The following COL24A1 variants were observed in gnomAD, a reference collection of about 807,000 sequenced individuals.
COL24A1 encodes collagen alpha-1(XXIV) chain.
Under a neutral mutation model 253.9 loss-of-function variants are expected in COL24A1, and 224 were observed. That is an observed-to-expected ratio of 0.88 (90% CI 0.79 to 0.99). COL24A1 has a LOEUF of 0.99. Among genes scored for constraint, COL24A1 ranks in the 50% least tolerant of loss-of-function variants. The probability of loss-of-function intolerance (pLI) is 0.00; values close to 1 mark genes in which losing one functional copy is unlikely to be tolerated. For synonymous variants in COL24A1, 685 were observed against 673.7 expected (o/e 1.02, Z -0.26); for missense variants, 2,131 against 2,068.5 (o/e 1.03, Z -0.59).
intron 2 of COL24A1, among the ~76,000 whole-genome samples, chr1:86,134,449 A>G (rs964948141): frequency 1.4e-5 from 2 of 145,956 alleles, no homozygotes; most frequent in African/African-American, 5.0e-5. Flanking sequence ...TTAGGATGTC[A>G]ATTTTAGATC....
At position 85,845,087 on chromosome 1, in the gene COL24A1, T is replaced by C. The variant is rs578000248; in HGVS notation, c.3462+2578A>G. 1.5e-4 allele frequency among the ~76,000 whole-genome samples: 23 copies of C among 152,026 alleles called. No individual in the cohort carries two copies. In the South Asian group the frequency reaches 3.9e-3, roughly 26 times the overall value. ...CAAATGCAAAACTCTTAAGGTAAACTACATTCAATAAGCTAAAATAAAACT... is the reference window on the plus strand; with the variant it reads ...CAAATGCAAAACTCTTAAGGTAAACCACATTCAATAAGCTAAAATAAAACT... On this transcript the variant is annotated intron_variant, in intron 39 of 59. Transcript: ENST00000370571.
chr1:85,910,196 T>C (rs1187479948), intron 25 of COL24A1, among the ~76,000 whole-genome samples, 193 bp from the exon 26 acceptor site: 1 of 151,944 alleles, frequency 6.6e-6, no homozygotes, highest in Non-Finnish European at 1.5e-5. Flanking sequence ...TAAAATAGAA[T>C]TATCTTAAGA....
intron 2 of COL24A1, among the ~76,000 whole-genome samples, chr1:86,133,211 G>C (rs1649580036): frequency 6.6e-6 from 1 of 152,098 alleles, no homozygotes. Context: ...TGTATCCTGA[G>C]ACTTTGCTGA....
intron 19 of COL24A1, among the ~76,000 whole-genome samples, chr1:86,013,327 T>C (rs1437481240): frequency 6.6e-6 from 1 of 152,220 alleles, no homozygotes; most frequent in Non-Finnish European, 1.5e-5. Flanking sequence ...CATCCATCTA[T>C]ACTGAATAGT....
chr1:86,146,688 C>T (rs981379243), intron 1 of COL24A1, among the ~76,000 whole-genome samples: 1 of 151,832 alleles, frequency 6.6e-6, no homozygotes, highest in South Asian at 2.1e-4. Context: ...TATGTGAAAG[C>T]CATTTGAATA....
At position 85,946,140 on chromosome 1, in the gene COL24A1, G is replaced by T. The variant is rs185373884; in HGVS notation, c.2562+15109C>A. On this transcript the variant is annotated intron_variant, in intron 24 of 59. Transcript: ENST00000370571. The stretch of plus-strand genomic sequence containing the variant: ...AATTTTGCTACATGATAGCCAGAGG[G>T]TAGCTATGTGATCAACCCCCAGTAA... Among the ~76,000 whole-genome samples the T allele has an allele frequency of 2.3e-3, 349 of 152,244 alleles. 2 individuals carry two copies. Among genetic ancestry groups the T allele is most frequent in the African/African-American group, 8.0e-3 (334 of 41,544 alleles).
chr1:85,884,700 A>G (rs1372472943), intron 32 of COL24A1, among the ~76,000 whole-genome samples: 3 of 152,180 alleles, frequency 2.0e-5, no homozygotes, highest in Non-Finnish European at 2.9e-5. Context: ...CCCAAAGGTC[A>G]GTTAGTCTTT....
chr1:85,781,219 C>T lies in COL24A1; in HGVS notation c.4338+1G>A. ...AAAGACTTGTATTATGATAAACTTA[C>T]AGTTCTACCTGTTGGGCCTATTATA... On this transcript the variant is annotated splice_donor_variant, in intron 52 of 59. Transcript: ENST00000370571. LOFTEE classifies it high-confidence loss of function. 3 of 1,590,944 alleles carry T rather than the reference C, an allele frequency of 1.9e-6. No individual in the cohort carries two copies. In the South Asian group the frequency reaches 3.5e-5, roughly 18 times the overall value.
chr1:85,990,735 C>G (rs1694174532), intron 19 of COL24A1, among the ~76,000 whole-genome samples: 1 of 152,160 alleles, frequency 6.6e-6, no homozygotes, highest in Non-Finnish European at 1.5e-5. Context: ...ACAATATGAA[C>G]TTCAACAAGG....
chr1:85,903,567 C>T (rs987358233), intron 28 of COL24A1, among the ~76,000 whole-genome samples: 8 of 152,130 alleles, frequency 5.3e-5, no homozygotes, highest in Non-Finnish European at 7.3e-5. Context: ...AGTAACTATG[C>T]TGGCTAAAGA....
At chr1:85,869,778 A>G (rs989531243) in intron 35 of COL24A1, among the ~76,000 whole-genome samples, 29 of 152,308 alleles carry the variant, frequency 1.9e-4, no homozygotes, top group East Asian at 1.9e-4. Flanking sequence ...GCTAGGAAGA[A>G]ACTGCATCAA....
rs757453786 is a variant in COL24A1, at chr1:86,063,745, A to T, written c.1722T>A (p.His574Gln). Residue 574 changes from histidine to glutamine, a missense_variant, in exon 8 of 60, where the codon CAT (histidine) becomes CAA (glutamine). Transcript: ENST00000370571. Reference sequence around the variant, plus strand: ...CACCTGGAAGTCCTGGGAGTCCAGGATGTCCTTTGAGACCCTGTAAAAGAA... The same window carrying T: ...CACCTGGAAGTCCTGGGAGTCCAGGTTGTCCTTTGAGACCCTGTAAAAGAA... ...GMQGDKGLKG[H>Q]PGLPGLPGEQ... The T allele has an allele frequency of 9.7e-6, 15 of 1,553,982 alleles. No individual in the cohort carries two copies. The highest frequency in any genetic ancestry group is 1.2e-5 in the Non-Finnish European group (14 of 1,149,606).
intron 48 of COL24A1, among the ~76,000 whole-genome samples, chr1:85,784,878 A>G (rs1454560834): frequency 6.6e-6 from 1 of 151,912 alleles, no homozygotes; most frequent in Non-Finnish European, 1.5e-5. Flanking sequence ...CTACAGGCAC[A>G]CATCATTGCA....
At chr1:85,760,789 A>G (rs429040) in intron 55 of COL24A1, among the ~76,000 whole-genome samples, 136,879 of 152,076 alleles carry the variant, frequency 0.9, 62,327 homozygotes, top group Non-Finnish European at 0.97. Flanking sequence ...TAGGGAGCAG[A>G]AAGACAAACA....
At chr1:86,131,616 G>A (rs1347556042) in intron 2 of COL24A1, among the ~76,000 whole-genome samples, 1 of 150,642 alleles carries the variant, frequency 6.6e-6, no homozygotes, top group South Asian at 2.1e-4. Context: ...GCAGTGTTTG[G>A]TTTTTTGTCC....
chr1:85,771,460 G>A (rs576050418), intron 53 of COL24A1, among the ~76,000 whole-genome samples: 119 of 152,118 alleles, frequency 7.8e-4, no homozygotes, highest in African/African-American at 2.7e-3. Flanking sequence ...CATAGTATTC[G>A]ATGGTGTATA....
chr1:86,028,051 A>G (rs1698216541), intron 14 of COL24A1, among the ~76,000 whole-genome samples: 1 of 152,112 alleles, frequency 6.6e-6, no homozygotes, highest in African/African-American at 2.4e-5. Context: ...GTTTTGGCCA[A>G]TATCTCCTAT....
chr1:85,798,547 A>T (rs1317976498), intron 47 of COL24A1, among the ~76,000 whole-genome samples: 1 of 152,182 alleles, frequency 6.6e-6, no homozygotes, highest in African/African-American at 2.4e-5. Flanking sequence ...CTTAGAAAGA[A>T]AAGTTTCTTT....
intron 24 of COL24A1, among the ~76,000 whole-genome samples, chr1:85,940,959 C>T (rs1688705711): frequency 6.6e-6 from 1 of 152,148 alleles, no homozygotes; most frequent in African/African-American, 2.4e-5. Flanking sequence ...TTGAATGAGT[C>T]TCTTGGTAAT....
Sources: gnomAD v4.1 joint callset for allele counts (sites outside exome capture counted in the v4.1 genomes callset) on GRCh38, gnomAD v4.1.1 for gene constraint, MANE v1.5 for transcripts, NCBI Gene and HGNC (gene_info 2026-07-23, HGNC 2026-07-21) for gene names.